Variants in GBE1 observed in about 807,000 individuals in gnomAD.
GBE1 encodes 1,4-alpha-glucan-branching enzyme.
A neutral mutation model predicts 88.8 loss-of-function variants in GBE1; 70 were observed. The observed-to-expected ratio is 0.79, with a 90% confidence interval of 0.65 to 0.96. GBE1 has a LOEUF of 0.96. Among genes scored for constraint, GBE1 ranks in the 40% least tolerant of loss-of-function variants. GBE1 has a pLI of 0.00. For synonymous variants in GBE1, 284 were observed against 300.1 expected (o/e 0.95, Z 0.56); for missense variants, 872 against 871.0 (o/e 1.00, Z -0.01).
At chr3:81,533,031 G>A (rs2106866253) in intron 14 of GBE1, among the ~76,000 whole-genome samples, 1 of 151,832 alleles carries the variant, frequency 6.6e-6, no homozygotes, top group East Asian at 2.0e-4. Flanking sequence ...ATTGCATTAA[G>A]ACTTACGTCG....
intron 3 of GBE1, among the ~76,000 whole-genome samples, chr3:81,665,408 C>T (rs539434510): frequency 5.9e-5 from 9 of 151,836 alleles, no homozygotes; most frequent in Non-Finnish European, 1.2e-4. Flanking sequence ...TGGTGGCGGG[C>T]GCCTGTAGTC....
intron 14 of GBE1, among the ~76,000 whole-genome samples, chr3:81,519,688 A>C (rs894485520): frequency 6.6e-6 from 1 of 151,370 alleles, no homozygotes; most frequent in Non-Finnish European, 1.5e-5. Context: ...ATTCTACTCT[A>C]GAATACAGAA....
At chr3:81,658,505 G>A (rs1704974272) in intron 3 of GBE1, among the ~76,000 whole-genome samples, 1 of 152,130 alleles carries the variant, frequency 6.6e-6, no homozygotes. Flanking sequence ...ATAAAGGTCA[G>A]TAGTCACTTC....
chr3:81,750,658 T>TATATATATATAC (rs1491583586), intron 1 of GBE1, among the ~76,000 whole-genome samples: 1 of 56,974 alleles, frequency 1.8e-5, no homozygotes, highest in South Asian at 4.2e-4. Flanking sequence ...TATATATATA[T>TATATATATATAC]GTATATATAT....
intron 8 of GBE1, among the ~76,000 whole-genome samples, chr3:81,591,368 T>C (rs886458342): frequency 8.5e-5 from 13 of 152,158 alleles, no homozygotes; most frequent in African/African-American, 2.9e-4. Context: ...CAATTTTGTT[T>C]GACAAATGCA....
chr3:81,597,437 A>G (rs1056848458), intron 7 of GBE1, among the ~76,000 whole-genome samples: 1 of 146,646 alleles, frequency 6.8e-6, no homozygotes, highest in African/African-American at 2.5e-5. Flanking sequence ...ATATATATAT[A>G]TCTCAAAAAT....
At chr3:81,758,508 G>A (rs1706633714) in intron 1 of GBE1, among the ~76,000 whole-genome samples, 1 of 152,170 alleles carries the variant, frequency 6.6e-6, no homozygotes, top group Non-Finnish European at 1.5e-5. Context: ...TCCTTCATAA[G>A]CCTAGATTTT....
At chr3:81,623,169 T>G (rs748280975) in intron 7 of GBE1, among the ~76,000 whole-genome samples, 7 of 152,212 alleles carry the variant, frequency 4.6e-5, no homozygotes, top group Non-Finnish European at 1.0e-4. Context: ...TTATATGATC[T>G]GACAACTGCC....
At chr3:81,686,494 C>G (rs142827829) in intron 2 of GBE1, among the ~76,000 whole-genome samples, 2 of 152,174 alleles carry the variant, frequency 1.3e-5, no homozygotes, top group South Asian at 2.1e-4. Context: ...CAGTGACTCA[C>G]GCCTGTAATC....
intron 14 of GBE1, among the ~76,000 whole-genome samples, chr3:81,522,483 T>C (rs887163672): frequency 2.6e-5 from 4 of 151,414 alleles, no homozygotes; most frequent in Non-Finnish European, 4.4e-5. Flanking sequence ...TATTAAAATA[T>C]ACTTAATTAG....
intron 10 of GBE1, among the ~76,000 whole-genome samples, chr3:81,581,815 C>T (rs1320692136): frequency 6.6e-6 from 1 of 152,038 alleles, no homozygotes; most frequent in Admixed American, 6.6e-5. Flanking sequence ...AATTTCTAGT[C>T]GGTGTTCAGT....
At chr3:81,712,236 C>G (rs1477332367) in intron 1 of GBE1, among the ~76,000 whole-genome samples, 1 of 152,182 alleles carries the variant, frequency 6.6e-6, no homozygotes, top group Non-Finnish European at 1.5e-5. Flanking sequence ...TTGTGGAAGA[C>G]AGAGTGGCGA....
Position 81,594,016 on chromosome 3 carries a change from T to C in GBE1, c.1000A>G (p.Ile334Val), listed in dbSNP as rs2172397. 0.97 allele frequency: 1,463,903 copies of C among 1,505,534 alleles called. 711,835 individuals carry two copies. Among genetic ancestry groups the C allele is most frequent in the East Asian group, 1 (42,540 of 42,546 alleles). The allele number at this position is 1,505,534 out of a possible 1,614,324, so 93.3% of individuals were successfully genotyped here. The change falls in exon 8 of 16, where the codon ATT becomes GTT. Residue 334 changes from isoleucine (I) to valine (V), a missense_variant. By Grantham distance (29) the Ile-to-Val change is conservative. Transcript: ENST00000429644. ...ATGTTTGACAGAAGGAATCTTAAAA[T>C]TTCCCAGCTAAAATATAAGAGAAAT... ...SRLFAYSSWE[I>V]LRFLLSNIRW...
At chr3:81,595,213 C>T (rs1048413599) in intron 7 of GBE1, among the ~76,000 whole-genome samples, 1 of 150,874 alleles carries the variant, frequency 6.6e-6, no homozygotes, top group Non-Finnish European at 1.5e-5. Context: ...GTTAAGCAAC[C>T]TTGAAGGTAG....
At chr3:81,490,841 C>T (rs910981765) in intron 15 of GBE1, among the ~76,000 whole-genome samples, 5 of 151,946 alleles carry the variant, frequency 3.3e-5, no homozygotes, top group Admixed American at 2.6e-4. Flanking sequence ...ACTGGTTTTC[C>T]ATCAAGACAC....
Position 81,547,087 on chromosome 3 carries a change from T to C in GBE1, c.1619-9992A>G, listed in dbSNP as rs1703215107. 2.0e-5 allele frequency among the ~76,000 whole-genome samples: 3 copies of C among 151,436 alleles called. No homozygotes were observed. In the South Asian group the frequency reaches 6.2e-4, roughly 31 times the overall value. ...CCAACCCAAAGGAAAATCACCTGCA[T>C]GTACCAATTGGCGAACTTTCGGCAC... On this transcript the variant is annotated intron_variant, in intron 12 of 15. Transcript: ENST00000429644.
intron 12 of GBE1, among the ~76,000 whole-genome samples, chr3:81,572,717 T>C (rs1002431857): frequency 6.6e-6 from 1 of 152,196 alleles, no homozygotes. Context: ...TCTTCTCTTG[T>C]TTTTTATAAT....
chr3:81,725,948 T>C (rs1240877312), intron 1 of GBE1, among the ~76,000 whole-genome samples: 1 of 152,108 alleles, frequency 6.6e-6, no homozygotes, highest in Non-Finnish European at 1.5e-5. Flanking sequence ...TTCCCCAGAG[T>C]TGATGATGCT....
At chr3:81,575,646 C>T (rs1273669416) in intron 12 of GBE1, among the ~76,000 whole-genome samples, 1 of 152,032 alleles carries the variant, frequency 6.6e-6, no homozygotes, top group African/African-American at 2.4e-5. Flanking sequence ...TTAGAAATGC[C>T]TAAAAGATAA....
Sources: allele counts gnomAD v4.1 joint callset (sites outside exome capture counted in the v4.1 genomes callset), GRCh38; gene constraint gnomAD v4.1.1; transcripts MANE v1.5; gene names NCBI Gene and HGNC (gene_info 2026-07-23, HGNC 2026-07-21).